CHRNA5: variants seen among roughly 807,000 people sequenced by gnomAD.
CHRNA5 encodes cholinergic receptor nicotinic alpha 5 subunit.
CHRNA5 carries 28 observed loss-of-function variants against 41.2 expected under a neutral mutation model. The ratio of observed to expected loss-of-function variants is 0.68; its 90% CI spans 0.50 to 0.93. The LOEUF is 0.93. CHRNA5 is among the 40% of genes least tolerant of loss of function. The pLI is 0.00. For missense variants in CHRNA5, 481 were observed against 581.9 expected (o/e 0.83, Z 1.78); for synonymous variants, 188 against 205.8 (o/e 0.91, Z 0.74).
intron 1 of CHRNA5, among the ~76,000 whole-genome samples, chr15:78,570,422 C>CTTTTTTTTT (rs1567050748): frequency 3.2e-4 from 21 of 66,246 alleles, no homozygotes; most frequent in East Asian, 1.3e-3. Context: ...CCAATCCCGG[C>CTTTTTTTTT]TATTTTTTTT....
Position 78,588,741 on chromosome 15 carries a change from C to T in CHRNA5, c.413+318C>T, listed in dbSNP as rs1371219067. On this transcript the variant is annotated intron_variant, in intron 4 of 5. Transcript: ENST00000299565. This position sits in a 1 kb window ranked among gnomAD's most constrained non-coding sequence, Gnocchi z 4.1. ...TCTAGATTTTTTTGTATGTTTTTTA[C>T]GTCGTTGAGGTCATATTTTATGTTG... 3.3e-5 allele frequency among the ~76,000 whole-genome samples: 5 copies of T among 152,088 alleles called. No homozygotes were observed. The highest frequency in any genetic ancestry group is 1.3e-4 in the Admixed American group (2 of 15,262).
intron 2 of CHRNA5, among the ~76,000 whole-genome samples, chr15:78,582,377 A>C (rs1359896843): frequency 6.6e-6 from 1 of 151,880 alleles, no homozygotes; most frequent in Non-Finnish European, 1.5e-5. Flanking sequence ...CCAGCTACTC[A>C]GGAGGCTGAG....
intron 2 of CHRNA5, among the ~76,000 whole-genome samples, chr15:78,581,322 A>G (rs2052911518): frequency 6.6e-6 from 1 of 152,240 alleles, no homozygotes; most frequent in Non-Finnish European, 1.5e-5. Flanking sequence ...AAGTCCAAAA[A>G]TAGAGTGATA....
chr15:78,576,790 C>T (rs575425229), intron 1 of CHRNA5, among the ~76,000 whole-genome samples: 10 of 141,404 alleles, frequency 7.1e-5, no homozygotes, highest in South Asian at 2.3e-4. Flanking sequence ...CAGGGCGAGA[C>T]CCAGTCTCAA....
chr15:78,572,638 C>G (rs765163291), intron 1 of CHRNA5, among the ~76,000 whole-genome samples: 4 of 152,078 alleles, frequency 2.6e-5, no homozygotes, highest in Non-Finnish European at 5.9e-5. Flanking sequence ...CATGCACCAC[C>G]ACGCCTGGCT....
At chr15:78,589,721 C>T in intron 4 of CHRNA5, 84 bp from the exon 5 acceptor site, 3 of 1,090,888 alleles carry the variant, frequency 2.8e-6, no homozygotes, top group Non-Finnish European at 3.9e-6. Flanking sequence ...AATGATAGGC[C>T]TGCTTTTATA....
At chr15:78,574,687 A>C (rs1437703636) in intron 1 of CHRNA5, among the ~76,000 whole-genome samples, 2 of 152,136 alleles carry the variant, frequency 1.3e-5, no homozygotes, top group African/African-American at 4.8e-5. Context: ...TATATAGGCT[A>C]GAAAATTGTG....
chr15:78,580,708 C>A, intron 1 of CHRNA5, 103 bp from the exon 2 acceptor site: 1 of 903,370 alleles, frequency 1.1e-6, no homozygotes. Context: ...CCGATCTTGG[C>A]TCACTGCAAC....
chr15:78,587,946 C>A (rs2052976408), intron 3 of CHRNA5, among the ~76,000 whole-genome samples: 1 of 152,226 alleles, frequency 6.6e-6, no homozygotes, highest in Admixed American at 6.5e-5. Context: ...TTGCATGGAC[C>A]AGAACAGCCA....
chr15:78,587,633 C>G (rs908760414), intron 3 of CHRNA5, among the ~76,000 whole-genome samples: 1 of 150,994 alleles, frequency 6.6e-6, no homozygotes, highest in Non-Finnish European at 1.5e-5. Context: ...GATTCTGACT[C>G]TCTAAGGTGG....
In CHRNA5 at chr15:78,588,778, C is replaced by T. The variant is rs1387076185; in HGVS notation, c.413+355C>T. On this transcript the variant is annotated intron_variant, in intron 4 of 5. Coordinates refer to ENST00000299565, the Ensembl canonical transcript of CHRNA5. The surrounding 1 kb of genome is among the most constrained non-coding windows in gnomAD (Gnocchi z 4.1). ...CATATTTTATGTTGAATTGTGCATC[C>T]TTCTAGTTGTGTTTAAATACTGTAT... 6.6e-6 allele frequency among the ~76,000 whole-genome samples: 1 copy of T among 152,044 alleles called. No homozygotes were observed. Among genetic ancestry groups the T allele is most frequent in the Non-Finnish European group, 1.5e-5 (1 of 67,996 alleles).
chr15:78,582,590 A>T (rs1366253058), intron 2 of CHRNA5, among the ~76,000 whole-genome samples: 2 of 152,174 alleles, frequency 1.3e-5, no homozygotes, highest in Non-Finnish European at 2.9e-5. Context: ...AAACTGTAGC[A>T]CTAAATCATG....
At chr15:78,568,136 T>C (rs2052766550) in intron 1 of CHRNA5, among the ~76,000 whole-genome samples, 1 of 152,246 alleles carries the variant, frequency 6.6e-6, no homozygotes. Flanking sequence ...AGGTTCTTAA[T>C]AGTAACTTTT....
intron 1 of CHRNA5, among the ~76,000 whole-genome samples, chr15:78,576,147 T>G (rs2456019): frequency 0.69 from 105,043 of 152,046 alleles, 36,711 homozygotes; most frequent in East Asian, 0.83. Flanking sequence ...GTTTGTTTTT[T>G]TTTTTGTTGT....
Position 78,588,535 on chromosome 15 carries a change from T to C in CHRNA5, c.413+112T>C, listed in dbSNP as rs1310148980. On this transcript the variant is annotated intron_variant, in intron 4 of 5. Coordinates refer to ENST00000299565, the Ensembl canonical transcript of CHRNA5. The surrounding 1 kb of genome is among the most constrained non-coding windows in gnomAD (Gnocchi z 4.1). ...AAATTGTTTAGGTATAAAAATCAAA[T>C]GACATGACCGCATGTGCCTGGGTAT... is the stretch of plus-strand genomic sequence containing the variant. 7.7e-6 allele frequency: 4 copies of C among 518,010 alleles called. No homozygotes were observed. The highest frequency in any genetic ancestry group is 3.7e-5 in the Admixed American group (1 of 27,152). The allele number at this position is 518,010 out of a possible 1,614,324, so 32.1% of individuals were successfully genotyped here. A position where few individuals can be genotyped will look rare whatever the true frequency, so the allele number is the denominator to read the frequency against.
intron 1 of CHRNA5, among the ~76,000 whole-genome samples, chr15:78,566,371 G>C (rs147796977): frequency 6.6e-6 from 1 of 152,212 alleles, no homozygotes; most frequent in Admixed American, 6.5e-5. Flanking sequence ...GGGGCTAATC[G>C]TTTGCATCCA....
chr15:78,590,750 T>C (rs770904584), intron 5 of CHRNA5, 114 bp downstream of exon 5: 1 of 808,688 alleles, frequency 1.2e-6, no homozygotes, highest in South Asian at 1.9e-5. Context: ...TAAGCATAGA[T>C]TGAGGGCCAG....
intron 5 of CHRNA5, among the ~76,000 whole-genome samples, chr15:78,591,880 T>C (rs1041385073): frequency 1.3e-5 from 2 of 152,204 alleles, no homozygotes; most frequent in African/African-American, 4.8e-5. Flanking sequence ...GGTTTGGAGC[T>C]ATCATTGGAG....
At position 78,570,424 on chromosome 15, in the gene CHRNA5, A is replaced by ATTTTTTT. The variant is rs71148540; in HGVS notation, c.106+4618_106+4624dup. Among the ~76,000 whole-genome samples, 28 of 64,164 alleles carry ATTTTTTT rather than the reference A, an allele frequency of 4.4e-4. 2 individuals are homozygous for ATTTTTTT. Among genetic ancestry groups the ATTTTTTT allele is most frequent in the African/African-American group, 1.1e-3 (17 of 14,824 alleles). The allele number at this position is 64,164 out of a possible 152,430, so 42.1% of individuals were successfully genotyped here. ...CAGGCATGTGCCACCAATCCCGGCT[A>ATTTTTTT]TTTTTTTTTTTTTTTTTTTTTTTTT... is the stretch of plus-strand genomic sequence containing the variant. On this transcript the variant is annotated intron_variant, in intron 1 of 5. Coordinates refer to ENST00000299565, the Ensembl canonical transcript of CHRNA5.
Sources: allele counts gnomAD v4.1 joint callset (sites outside exome capture counted in the v4.1 genomes callset), GRCh38; gene constraint gnomAD v4.1.1; non-coding constraint Gnocchi (gnomAD v3.1); transcripts MANE v1.5; gene names NCBI Gene and HGNC (gene_info 2026-07-23, HGNC 2026-07-21).